Variants in PLEK2 observed in about 807,000 individuals in gnomAD.
PLEK2 encodes pleckstrin 2.
Under a neutral mutation model 43.8 loss-of-function variants are expected in PLEK2, and 29 were observed. The ratio of observed to expected loss-of-function variants is 0.66; its 90% confidence interval spans 0.49 to 0.90. The LOEUF (loss-of-function observed/expected upper bound fraction) is 0.90, where lower values mean the gene tolerates loss of function less well. Ranked by LOEUF, PLEK2 falls within the 40% of genes least tolerant of loss-of-function variation. The pLI is 0.00. For missense variants in PLEK2, 398 were observed against 448.1 expected (o/e 0.89, Z 1.01); for synonymous variants, 162 against 173.2 (o/e 0.94, Z 0.51).
chr14:67,387,478 A>G, intron 8 of PLEK2, 22 bp from the exon 9 acceptor site: 1 of 1,596,442 alleles, frequency 6.3e-7, no homozygotes, highest in Non-Finnish European at 8.5e-7. Flanking sequence ...AAAGGGGGAA[A>G]AAAATCAGTG....
In PLEK2 at chr14:67,393,211, G is replaced by T. The variant is rs1227449743; in HGVS notation, c.420C>A (p.Asn140Lys). Residue 140 changes from asparagine (N) to lysine (K), a missense_variant, in exon 4 of 9, where the codon AAC becomes AAA. Coordinates refer to ENST00000216446, the MANE Select transcript of PLEK2 (RefSeq NM_016445.3). Reference protein sequence around the residue: ...HRIVDKMHDSNTGIRSSPNME... With the variant: ...HRIVDKMHDSKTGIRSSPNME... ...TGTTGGGGCTTGAACGGATTCCGGT[G>T]TTGCTATCGTGCATCTTGTCCACAA... 6.2e-7 allele frequency: 1 copy of T among 1,613,990 alleles called. No individual in the cohort carries two copies. The highest frequency in any genetic ancestry group is 8.5e-7 in the Non-Finnish European group (1 of 1,179,846).
At chr14:67,404,392 G>A (rs1357943449) in intron 1 of PLEK2, among the ~76,000 whole-genome samples, 1 of 152,198 alleles carries the variant, frequency 6.6e-6, no homozygotes, top group Non-Finnish European at 1.5e-5. Context: ...GGAGGCTGAG[G>A]CAGGAGGATT....
intron 3 of PLEK2, among the ~76,000 whole-genome samples, chr14:67,394,616 C>G (rs1260232233): frequency 6.6e-6 from 1 of 151,888 alleles, no homozygotes. Flanking sequence ...TTTTGTGAGC[C>G]CAGGAATGGA....
At chr14:67,411,700 AT>A (rs2086116224) in intron 1 of PLEK2, among the ~76,000 whole-genome samples, 1 of 152,248 alleles carries the variant, frequency 6.6e-6, no homozygotes, top group African/African-American at 2.4e-5. Flanking sequence ...AGTAAATATT[AT>A]TTAAATATCA....
chr14:67,390,631 G>A (rs768704915), intron 7 of PLEK2, 32 bp downstream of exon 7: 1 of 1,473,962 alleles, frequency 6.8e-7, no homozygotes, highest in South Asian at 1.1e-5. Context: ...ATCACAACAT[G>A]GGACCAACAT....
chr14:67,399,699 AG>A (rs1241756477), intron 1 of PLEK2, among the ~76,000 whole-genome samples: 1 of 130,614 alleles, frequency 7.7e-6, no homozygotes, highest in African/African-American at 3.4e-5. Context: ...CTCAGGTGGC[AG>A]GAATAAAGAG....
intron 2 of PLEK2, among the ~76,000 whole-genome samples, chr14:67,396,206 G>T (rs1206265401): frequency 2.6e-5 from 4 of 151,708 alleles, no homozygotes; most frequent in Non-Finnish European, 4.4e-5. Flanking sequence ...GGAGTACAAT[G>T]GTGCAATCTC....
chr14:67,388,731 G>A (rs570006791), intron 7 of PLEK2, among the ~76,000 whole-genome samples: 74 of 152,050 alleles, frequency 4.9e-4, no homozygotes, highest in Non-Finnish European at 9.3e-4. Flanking sequence ...TCAGGCTGGA[G>A]TGCAGAGGCA....
chr14:67,395,662 G>T, intron 2 of PLEK2, 79 bp from the exon 3 acceptor site: 1 of 1,223,972 alleles, frequency 8.2e-7, no homozygotes, highest in Non-Finnish European at 1.2e-6. Flanking sequence ...ACGGGGCCCC[G>T]GGAGAATCTA....
intron 1 of PLEK2, among the ~76,000 whole-genome samples, chr14:67,410,985 A>G (rs907411581): frequency 3.5e-4 from 53 of 152,158 alleles, no homozygotes; most frequent in African/African-American, 1.2e-3. Flanking sequence ...GTCTCCACAA[A>G]AAAATACAAA....
intron 1 of PLEK2, among the ~76,000 whole-genome samples, chr14:67,405,195 A>G (rs563391257): frequency 6.8e-6 from 1 of 147,016 alleles, no homozygotes; most frequent in South Asian, 2.2e-4. Context: ...ATTGAGCTCC[A>G]GCCTGGGCGA....
At chr14:67,404,281 G>A (rs2086065709) in intron 1 of PLEK2, among the ~76,000 whole-genome samples, 1 of 152,088 alleles carries the variant, frequency 6.6e-6, no homozygotes, top group Non-Finnish European at 1.5e-5. Flanking sequence ...AGAATAGGTG[G>A]CAATGTCTTT....
In PLEK2 at chr14:67,387,382, T is replaced by A; in HGVS notation, c.1009A>T (p.Ser337Cys). 6.2e-7 allele frequency: 1 copy of A among 1,611,408 alleles called. No individual in the cohort carries two copies. The highest frequency in any genetic ancestry group is 2.2e-5 in the East Asian group (1 of 44,616). ...CACTCGGCTCGCTCAGCCTTGCTGC[T>A]GGCCTGAATGTAATAGTGTGTGTCA... is the stretch of plus-strand genomic sequence containing the variant. The part of the protein sequence containing the change: ...KDDTHYYIQA[S>C]SKAERAEWIE... The change falls in exon 9 of 9, where the codon AGC (serine) becomes TGC (cysteine). Residue 337 changes from serine to cysteine, a missense_variant. Coordinates refer to ENST00000216446, the MANE Select transcript of PLEK2 (RefSeq NM_016445.3).
intron 1 of PLEK2, among the ~76,000 whole-genome samples, chr14:67,398,944 C>A (rs993486326): frequency 6.6e-6 from 1 of 152,242 alleles, no homozygotes; most frequent in African/African-American, 2.4e-5. Flanking sequence ...TATGTGGATA[C>A]ATAGTTTACT....
At chr14:67,411,896 A>G (rs1236602758) in intron 1 of PLEK2, 122 bp downstream of exon 1, 1 of 901,528 alleles carries the variant, frequency 1.1e-6, no homozygotes, top group Non-Finnish European at 1.6e-6. Flanking sequence ...CGGTCCCACC[A>G]TGGGGGTTGG....
intron 1 of PLEK2, 36 bp from the exon 2 acceptor site, chr14:67,397,862 T>A (rs959153697): frequency 6.4e-7 from 1 of 1,568,538 alleles, no homozygotes; most frequent in African/African-American, 1.3e-5. Context: ...GGTGAGGCGG[T>A]CAGTGGGAGG....
intron 3 of PLEK2, 58 bp downstream of exon 3, chr14:67,395,344 T>G: frequency 6.5e-7 from 1 of 1,527,340 alleles, no homozygotes. Flanking sequence ...CAGGGTCCCC[T>G]GCCCACCCAA....
In PLEK2 at chr14:67,388,212, G is replaced by A. The variant is rs766967651; in HGVS notation, c.934+12C>T. The A allele has an allele frequency of 1.1e-4, 168 of 1,595,862 alleles. No individual in the cohort carries two copies. The Middle Eastern group carries it at 2.7e-3, about 25-fold the overall frequency. ...CTGAGATCTTCAGGCCAGGGCTGAA[G>A]TTGTACCTTACCAGTGGGAACGCCA... On this transcript the variant is annotated intron_variant, in intron 8 of 8. Transcript: ENST00000216446.
chr14:67,388,815 G>T (rs2085946510), intron 7 of PLEK2, among the ~76,000 whole-genome samples: 1 of 152,036 alleles, frequency 6.6e-6, no homozygotes, highest in Non-Finnish European at 1.5e-5. Context: ...GAGGAACTGG[G>T]ATTACAAGCA....
Sources: gnomAD v4.1 joint callset for allele counts (sites outside exome capture counted in the v4.1 genomes callset) on GRCh38, gnomAD v4.1.1 for gene constraint, MANE v1.5 for transcripts, NCBI Gene and HGNC (gene_info 2026-07-23, HGNC 2026-07-21) for gene names.